The following SNRPN variants were observed in gnomAD, a reference collection of about 807,000 sequenced individuals.
The protein encoded by SNRPN is small nuclear ribonucleoprotein-associated protein N.
A neutral mutation model predicts 25.2 loss-of-function variants in SNRPN; 7 were observed. The ratio of observed to expected loss-of-function variants is 0.28; its 90% CI spans 0.16 to 0.52. SNRPN has a LOEUF of 0.52. Among genes scored for constraint, SNRPN ranks in the 20% least tolerant of loss-of-function variants. The pLI, the probability that SNRPN is intolerant of heterozygous loss-of-function variation, is 0.96. For missense variants in SNRPN, 196 were observed against 322.5 expected, an observed-to-expected ratio of 0.61 and a Z score of 3.00; for synonymous variants, 124 against 110.6, an observed-to-expected ratio of 1.12 and a Z score of -0.76.
At chr15:24,919,562 C>A (rs995883298) in intron 2 of SNRPN, among the ~76,000 whole-genome samples, 1 of 151,986 alleles carries the variant, frequency 6.6e-6, no homozygotes, top group African/African-American at 2.4e-5. Context: ...AAATTTATAA[C>A]CAAAGAGCAG....
intron 1 of SNRPN, among the ~76,000 whole-genome samples, chr15:24,873,569 T>C (rs553352470): frequency 3.3e-5 from 5 of 151,340 alleles, no homozygotes; most frequent in Non-Finnish European, 7.4e-5. Context: ...TGCCTCAGCC[T>C]CCCAAGCAGC....
intron 1 of SNRPN, among the ~76,000 whole-genome samples, chr15:24,860,280 G>A (rs2053877913): frequency 6.6e-6 from 1 of 152,002 alleles, no homozygotes; most frequent in Non-Finnish European, 1.5e-5. Flanking sequence ...ATTATGATCT[G>A]ACACCATTAA....
intron 7 of SNRPN, among the ~76,000 whole-genome samples, chr15:24,977,285 T>C (rs78877062): frequency 0.016 from 2,408 of 152,228 alleles, 61 homozygotes; most frequent in African/African-American, 0.055. Context: ...TGCATGGATA[T>C]ACCACAGTTG....
At chr15:24,834,749 C>CTCTCTCTCTCTCTCTCTCTATATA (rs1566806547) in intron 2 of SNRPN, among the ~76,000 whole-genome samples, 4 of 63,064 alleles carry the variant, frequency 6.3e-5, no homozygotes, top group African/African-American at 7.9e-5. Context: ...CTCTCTCTCT[C>CTCTCTCTCTCTCTCTCTCTATATA]TCTATATATA....
At chr15:24,861,507 G>A (rs1193500061) in intron 1 of SNRPN, among the ~76,000 whole-genome samples, 1 of 152,148 alleles carries the variant, frequency 6.6e-6, no homozygotes, top group East Asian at 1.9e-4. Flanking sequence ...GTGAGTGAGT[G>A]GTGAGTGAAT....
intron 2 of SNRPN, among the ~76,000 whole-genome samples, chr15:24,910,574 C>G (rs2059149107): frequency 6.6e-6 from 1 of 152,098 alleles, no homozygotes; most frequent in South Asian, 2.1e-4. Context: ...TCACTGCAAC[C>G]TCTGCCTCCT....
At chr15:24,955,322 G>T (rs1322483831) in intron 1 of SNRPN, among the ~76,000 whole-genome samples, 1 of 152,028 alleles carries the variant, frequency 6.6e-6, no homozygotes, top group Non-Finnish European at 1.5e-5. Flanking sequence ...GTCCTATTGC[G>T]GGTGTCTGCG....
At chr15:24,837,822 C>G (rs1232659072) in intron 2 of SNRPN, among the ~76,000 whole-genome samples, 1 of 151,598 alleles carries the variant, frequency 6.6e-6, no homozygotes, top group Non-Finnish European at 1.5e-5. Flanking sequence ...CCTCCTGGTT[C>G]AAGGGATTTT....
intron 3 of SNRPN, among the ~76,000 whole-genome samples, chr15:24,934,619 C>T (rs553128848): frequency 4.6e-5 from 7 of 152,290 alleles, no homozygotes; most frequent in African/African-American, 7.2e-5. Flanking sequence ...AAAGCAGTGG[C>T]GTCATCTCAG....
intron 3 of SNRPN, among the ~76,000 whole-genome samples, chr15:24,935,126 G>T (rs2152940074): frequency 6.6e-6 from 1 of 152,108 alleles, no homozygotes; most frequent in South Asian, 2.1e-4. Context: ...CAAAAATCTA[G>T]CTGGGCATGG....
At chr15:24,928,504 ACC>A (rs2060569232) in intron 3 of SNRPN, among the ~76,000 whole-genome samples, 1 of 152,126 alleles carries the variant, frequency 6.6e-6, no homozygotes, top group Admixed American at 6.6e-5. Flanking sequence ...TAAAAAGTTG[ACC>A]TCATAGAAGT....
upstream of SNRPN, among the ~76,000 whole-genome samples, chr15:24,953,546 C>A (rs1191666825): frequency 6.6e-6 from 1 of 152,174 alleles, no homozygotes; most frequent in Admixed American, 6.5e-5. Context: ...TGGTCTCGAT[C>A]TCCTGACCTC....
intron 2 of SNRPN, among the ~76,000 whole-genome samples, chr15:24,916,269 T>G (rs546248410): frequency 1.3e-5 from 2 of 152,256 alleles, no homozygotes; most frequent in Non-Finnish European, 2.9e-5. Context: ...CTTGGTTGAC[T>G]TATTCTTTTA....
chr15:24,965,322 G>A (rs1047861866), intron 2 of SNRPN, among the ~76,000 whole-genome samples: 1 of 152,126 alleles, frequency 6.6e-6, no homozygotes, highest in African/African-American at 2.4e-5. Flanking sequence ...CAGATCACCT[G>A]AGGTCAGGAG....
chr15:24,867,671 G>C (rs12595470), intron 1 of SNRPN, among the ~76,000 whole-genome samples: 32,894 of 151,960 alleles, frequency 0.22, 3,948 homozygotes, highest in East Asian at 0.35. Context: ...ACTGCGCCCG[G>C]CCTTAAATAA....
At chr15:24,837,168 C>A (rs918456575) in intron 2 of SNRPN, among the ~76,000 whole-genome samples, 1 of 151,852 alleles carries the variant, frequency 6.6e-6, no homozygotes, top group Non-Finnish European at 1.5e-5. Flanking sequence ...AAAGGACTAC[C>A]GAGAGGTAAA....
chr15:24,974,158 C>T, intron 3 of SNRPN, 153 bp from the exon 4 acceptor site: 1 of 421,550 alleles, frequency 2.4e-6, no homozygotes, highest in Non-Finnish European at 4.3e-6. Context: ...GAATGAGGGA[C>T]TAGGGAAATG....
chr15:24,890,026 G>T lies in SNRPN; in HGVS notation c.-505+3437G>T, dbSNP rs1416137094. Among the ~76,000 whole-genome samples, 3 of 147,640 alleles carry T rather than the reference G, an allele frequency of 2.0e-5. No individual in the cohort carries two copies. The East Asian group carries it at 6.1e-4, about 30-fold the overall frequency. On this transcript the variant is annotated intron_variant, in intron 2 of 11. Coordinates refer to the SNRPN transcript ENST00000400097. The stretch of plus-strand genomic sequence containing the variant: ...GATCGCACCTCTGCACTCCAGCCTA[G>T]GTGAGATTGAAACTCCATTTCAAAA...
rs1332912005 is a variant in SNRPN at position 24,974,418 on chromosome 15, T to G, written c.-36T>G. On this transcript the variant is annotated 5_prime_UTR_variant, in exon 4 of 10. Coordinates refer to ENST00000390687, the MANE Select transcript of SNRPN (RefSeq NM_003097.6). ...CCTAGGTCTTCAGAAGCATCAAGTT[T>G]TAACTGTGGACATTGGATTTGGTGG... is the stretch of plus-strand genomic sequence containing the variant. 2 of 1,611,252 alleles carry G rather than the reference T, an allele frequency of 1.2e-6. No homozygotes were observed. The highest frequency in any genetic ancestry group is 2.7e-5 in the African/African-American group (2 of 74,818).
Sources: gnomAD v4.1 joint callset for allele counts (sites outside exome capture counted in the v4.1 genomes callset) on GRCh38, gnomAD v4.1.1 for gene constraint, MANE v1.5 for transcripts, NCBI Gene and HGNC (gene_info 2026-07-23, HGNC 2026-07-21) for gene names.